MAGI2: variants seen among roughly 807,000 people sequenced by gnomAD.
MAGI2 encodes membrane-associated guanylate kinase, WW and PDZ domain-containing protein 2.
In MAGI2, 35 loss-of-function variants were observed where a neutral mutation model predicts 133.3. The ratio of observed to expected loss-of-function variants is 0.26; its 90% CI spans 0.20 to 0.35. MAGI2 has a LOEUF of 0.35. Ranked by LOEUF, MAGI2 falls within the 10% of genes least tolerant of loss-of-function variation. The probability of loss-of-function intolerance (pLI) is 1.00; values close to 1 mark genes in which losing one functional copy is unlikely to be tolerated. For synonymous variants in MAGI2, 729 were observed against 710.6 expected (o/e 1.03, Z -0.41); for missense variants, 1,636 against 1,863.4 (o/e 0.88, Z 2.25).
chr7:78,736,005 AAC>A (rs1032199807), intron 2 of MAGI2, among the ~76,000 whole-genome samples: 3 of 152,208 alleles, frequency 2.0e-5, no homozygotes, highest in Non-Finnish European at 4.4e-5. Flanking sequence ...ATGTTCTGAA[AAC>A]ACATTTTTGA....
chr7:78,483,302 G>A (rs1329858052), intron 6 of MAGI2, among the ~76,000 whole-genome samples: 2 of 151,814 alleles, frequency 1.3e-5, no homozygotes, highest in African/African-American at 4.8e-5. Context: ...TGTATGCATT[G>A]AGGAGAAATG....
chr7:78,905,925 T>G, intron 2 of MAGI2, among the ~76,000 whole-genome samples: 1 of 152,158 alleles, frequency 6.6e-6, no homozygotes, highest in Non-Finnish European at 1.5e-5. Context: ...AAGAAAAGTT[T>G]GTCTTACCCA....
chr7:78,825,301 A>G (rs1364420490), intron 2 of MAGI2, among the ~76,000 whole-genome samples: 1 of 152,340 alleles, frequency 6.6e-6, no homozygotes, highest in Non-Finnish European at 1.5e-5. Flanking sequence ...GTCAAAAAAC[A>G]TTCCTCCCTT....
chr7:79,214,387 CTCTCTCTCTCTCTCTCTCTCTATATA>C (rs1171242462), intron 1 of MAGI2, among the ~76,000 whole-genome samples: 4 of 91,754 alleles, frequency 4.4e-5, no homozygotes, highest in East Asian at 3.4e-4. Context: ...CTCTCTCTCT[CTCTCTCTCTCTCTCTCTCTCTATATA>C]TATATATATA....
chr7:79,345,579 C>CA (rs966668550), intron 1 of MAGI2, among the ~76,000 whole-genome samples: 3 of 151,842 alleles, frequency 2.0e-5, no homozygotes, highest in Non-Finnish European at 4.4e-5. Flanking sequence ...CTCTTGAGTG[C>CA]AAAAAATGCT....
chr7:79,440,900 C>T (rs550849248), intron 1 of MAGI2, among the ~76,000 whole-genome samples: 2 of 152,308 alleles, frequency 1.3e-5, no homozygotes, highest in South Asian at 2.1e-4. Flanking sequence ...GCTCTCTTCA[C>T]GATCACAACA....
chr7:78,768,951 A>C (rs536247121), intron 2 of MAGI2, among the ~76,000 whole-genome samples: 1 of 152,168 alleles, frequency 6.6e-6, no homozygotes, highest in Non-Finnish European at 1.5e-5. Context: ...ACATGCTCTT[A>C]ATCAGTCCCT....
intron 1 of MAGI2, among the ~76,000 whole-genome samples, chr7:79,107,260 TGAA>T (rs1183228100): frequency 6.6e-6 from 1 of 152,098 alleles, no homozygotes; most frequent in Non-Finnish European, 1.5e-5. Flanking sequence ...TTGCTGGCTT[TGAA>T]GAAGAAGGAG....
At chr7:79,229,367 G>A (rs1831154643) in intron 1 of MAGI2, among the ~76,000 whole-genome samples, 1 of 152,126 alleles carries the variant, frequency 6.6e-6, no homozygotes, top group African/African-American at 2.4e-5. Flanking sequence ...AATTAGCAGT[G>A]AAAATAAGGA....
chr7:78,655,454 C>CAAAAAAAAAAAAAAAAAAAAAAAAAACAA, intron 2 of MAGI2, among the ~76,000 whole-genome samples: 5 of 64,950 alleles, frequency 7.7e-5, no homozygotes, highest in African/African-American at 1.9e-4. Flanking sequence ...AAAAAACAAC[C>CAAAAAAAAAAAAAAAAAAAAAAAAAACAA]AAAAAAAAAA....
intron 6 of MAGI2, among the ~76,000 whole-genome samples, chr7:78,403,680 A>C (rs1240296925): frequency 6.6e-6 from 1 of 151,948 alleles, no homozygotes; most frequent in Non-Finnish European, 1.5e-5. Flanking sequence ...TGACTTTTTA[A>C]TGATTGTCAT....
chr7:79,316,196 A>G (rs1242660077), intron 1 of MAGI2, among the ~76,000 whole-genome samples: 4 of 152,034 alleles, frequency 2.6e-5, no homozygotes, highest in African/African-American at 9.7e-5. Context: ...ACTTTTGGCA[A>G]ATTCTTCCCA....
chr7:79,441,502 C>T (rs1355493706), intron 1 of MAGI2, among the ~76,000 whole-genome samples: 1 of 151,526 alleles, frequency 6.6e-6, no homozygotes, highest in South Asian at 2.1e-4. Flanking sequence ...TTTGGGCTAG[C>T]AAATATATTA....
intron 2 of MAGI2, among the ~76,000 whole-genome samples, chr7:78,628,318 G>T (rs181095390): frequency 4.6e-5 from 7 of 152,212 alleles, no homozygotes; most frequent in African/African-American, 1.4e-4. Context: ...GATATATAAG[G>T]TAGTACATTG....
intron 9 of MAGI2, among the ~76,000 whole-genome samples, chr7:78,293,181 C>T (rs1584754070): frequency 6.6e-6 from 1 of 152,280 alleles, no homozygotes; most frequent in Non-Finnish European, 1.5e-5. Flanking sequence ...TTATAGTCTA[C>T]CCATCTGACA....
At chr7:78,986,144 A>C (rs1805243681) in intron 2 of MAGI2, among the ~76,000 whole-genome samples, 1 of 152,108 alleles carries the variant, frequency 6.6e-6, no homozygotes. Context: ...CTTAGCACTT[A>C]GCTGACATTT....
chr7:78,348,778 A>G (rs1014377188), intron 7 of MAGI2, among the ~76,000 whole-genome samples: 12 of 152,124 alleles, frequency 7.9e-5, no homozygotes, highest in Non-Finnish European at 1.8e-4. Context: ...AGATTTGAGG[A>G]CAACAACAAC....
At chr7:79,139,586 T>G (rs898261152) in intron 1 of MAGI2, among the ~76,000 whole-genome samples, 1 of 152,140 alleles carries the variant, frequency 6.6e-6, no homozygotes, top group Non-Finnish European at 1.5e-5. Context: ...TGGGAGGTTG[T>G]ATTTTGTCTC....
At chr7:78,452,695 G>C (rs1224232483) in intron 6 of MAGI2, among the ~76,000 whole-genome samples, 1 of 151,390 alleles carries the variant, frequency 6.6e-6, no homozygotes, top group Non-Finnish European at 1.5e-5. Context: ...GAAAAATTCA[G>C]TTAAACAGGT....
Sources: gnomAD v4.1 joint callset for allele counts (sites outside exome capture counted in the v4.1 genomes callset) on GRCh38, gnomAD v4.1.1 for gene constraint, MANE v1.5 for transcripts, NCBI Gene and HGNC (gene_info 2026-07-23, HGNC 2026-07-21) for gene names.